Variants in ABR observed in about 807,000 individuals in gnomAD.
ABR encodes the protein ABR activator of RhoGEF and GTPase, also known as active breakpoint cluster region-related protein.
A neutral mutation model predicts 107.2 loss-of-function variants in ABR; 35 were observed. The ratio of observed to expected loss-of-function variants is 0.33; its 90% CI spans 0.25 to 0.43. The LOEUF is 0.43. Ranked by LOEUF, ABR falls within the 20% of genes least tolerant of loss-of-function variation. The pLI is 1.00. For synonymous variants in ABR, 498 were observed against 462.0 expected, an observed-to-expected ratio of 1.08 and a Z score of -1.00; for missense variants, 815 against 1,115.2, an observed-to-expected ratio of 0.73 and a Z score of 3.83.
rs4968074 is a variant in ABR, at chr17:1,013,226, C to A, written c.1792-62G>T. 5 of 1,521,782 alleles carry A rather than the reference C, an allele frequency of 3.3e-6. No individual in the cohort carries two copies. The East Asian group carries it at 1.1e-4, about 34-fold the overall frequency. 94.3% of individuals were successfully genotyped at this position (1,521,782 alleles called of 1,614,324 possible). On this transcript the variant is annotated intron_variant, in intron 16 of 22. Transcript: ENST00000302538. Reference sequence around the variant, plus strand: ...TCGGAGGCCAAGCCAGAGATCTCCCCGTGGGTCAGCACTGCTCAGAGCCAG... The same window carrying A: ...TCGGAGGCCAAGCCAGAGATCTCCCAGTGGGTCAGCACTGCTCAGAGCCAG...
intron 2 of ABR, among the ~76,000 whole-genome samples, chr17:1,111,216 C>A (rs2038657151): frequency 6.6e-6 from 1 of 152,166 alleles, no homozygotes; most frequent in Non-Finnish European, 1.5e-5. Flanking sequence ...CGTCCCCGTT[C>A]CCCACACCTC....
At chr17:1,161,585 C>CA (rs1175386028) in intron 1 of ABR, among the ~76,000 whole-genome samples, 1 of 141,650 alleles carries the variant, frequency 7.1e-6, no homozygotes, top group African/African-American at 2.7e-5. Context: ...GATGAGGTCT[C>CA]ACTCTGTAGC....
At chr17:1,155,402 C>G (rs942148328) in intron 1 of ABR, among the ~76,000 whole-genome samples, 6 of 152,248 alleles carry the variant, frequency 3.9e-5, no homozygotes, top group South Asian at 2.1e-4. Context: ...AAAAATAACT[C>G]TAAATGGATC....
chr17:1,070,101 T>C lies in ABR; in HGVS notation c.895-11A>G, dbSNP rs770628359. The C allele has an allele frequency of 1.5e-5, 24 of 1,612,906 alleles. No individual in the cohort carries two copies. In the East Asian group the frequency reaches 4.2e-4, roughly 29 times the overall value. ...CACCAGCTGTCGCGTCTGAGGGAGA[T>C]GGCAGACCCCCCAGCCTGCTCAGAG... On this transcript the variant is annotated splice_polypyrimidine_tract_variant and intron_variant, in intron 8 of 22. Coordinates refer to ENST00000302538, the MANE Select transcript of ABR (RefSeq NM_021962.5). This position sits in a 1 kb window ranked among gnomAD's most constrained non-coding sequence, Gnocchi z 4.2.
At chr17:1,109,799 C>G (rs572337508) in intron 2 of ABR, among the ~76,000 whole-genome samples, 165 of 152,214 alleles carry the variant, frequency 1.1e-3, no homozygotes, top group African/African-American at 3.6e-3. Context: ...CCACCACTGT[C>G]CTGCACAGGA....
chr17:1,032,783 G>A (rs1235213406), intron 16 of ABR, among the ~76,000 whole-genome samples: 3 of 152,214 alleles, frequency 2.0e-5, no homozygotes, highest in Admixed American at 1.3e-4. Context: ...GGTATTCAGA[G>A]AAAAGAGAAA....
chr17:1,066,784 C>T (rs957509659), intron 10 of ABR, among the ~76,000 whole-genome samples: 2 of 152,136 alleles, frequency 1.3e-5, no homozygotes, highest in African/African-American at 4.8e-5. Flanking sequence ...CTGCCTCGGC[C>T]TTCCAAAGTG....
At chr17:1,158,400 C>G (rs118053673) in intron 1 of ABR, among the ~76,000 whole-genome samples, 2 of 151,770 alleles carry the variant, frequency 1.3e-5, no homozygotes, top group East Asian at 3.9e-4. Flanking sequence ...CCAGCCGTCT[C>G]GTTAGTCTTT....
intron 1 of ABR, among the ~76,000 whole-genome samples, chr17:1,167,558 T>G (rs2041561584): frequency 3.3e-5 from 5 of 152,290 alleles, no homozygotes; most frequent in Admixed American, 3.3e-4. Context: ...ACCTGAGGTC[T>G]CATGCCCCAG....
chr17:1,188,496 A>G (rs142017406), upstream of ABR, among the ~76,000 whole-genome samples: 6 of 151,626 alleles, frequency 4.0e-5, no homozygotes, highest in East Asian at 9.7e-4. Context: ...CTTGCAGTGA[A>G]CCAAGATCGC....
At chr17:1,109,039 C>A in intron 2 of ABR, 1 of 1,597,690 alleles carries the variant, frequency 6.3e-7, no homozygotes, top group South Asian at 1.1e-5. Flanking sequence ...CCTTGTCCAG[C>A]AAGCCTATCG....
upstream of ABR, among the ~76,000 whole-genome samples, chr17:1,192,214 C>G (rs1317739839): frequency 6.6e-6 from 1 of 152,056 alleles, no homozygotes; most frequent in African/African-American, 2.4e-5. Flanking sequence ...TAGGCTCAAG[C>G]AATCCTCCTG....
chr17:1,169,837 C>A (rs748113671), intron 1 of ABR, among the ~76,000 whole-genome samples: 1 of 152,142 alleles, frequency 6.6e-6, no homozygotes, highest in Non-Finnish European at 1.5e-5. Flanking sequence ...GCAGGGCCAG[C>A]ACGCTTGGGC....
chr17:1,193,332 C>T (rs868246270), intron 1 of ABR, among the ~76,000 whole-genome samples: 87 of 150,990 alleles, frequency 5.8e-4, no homozygotes, highest in African/African-American at 2.1e-3. Flanking sequence ...GTTTGCTGAA[C>T]GCCCTTCGGC....
At chr17:1,031,891 C>T in intron 16 of ABR, 6 of 1,150,414 alleles carry the variant, frequency 5.2e-6, no homozygotes, top group Non-Finnish European at 6.5e-6. Context: ...TCCCTCCCTC[C>T]CTCCGTCCGC....
At chr17:1,185,237 C>G (rs945506629) in intron 1 of ABR, among the ~76,000 whole-genome samples, 2 of 152,186 alleles carry the variant, frequency 1.3e-5, no homozygotes, top group Admixed American at 6.5e-5. Context: ...TGGAGACAAG[C>G]TGAACAAAGT....
intron 17 of ABR, 73 bp from the exon 18 acceptor site, chr17:1,012,870 GTCC>G: frequency 1.5e-6 from 2 of 1,337,500 alleles, no homozygotes; most frequent in Non-Finnish European, 2.1e-6. Context: ...AAACACAGGG[GTCC>G]CCTCCCCAAG....
Position 1,011,092 on chromosome 17 carries a change from A to C in ABR, c.2102-229T>G. 1 of 566,516 alleles carries C rather than the reference A, an allele frequency of 1.8e-6. No homozygotes were observed. The highest frequency in any genetic ancestry group is 3.1e-6 in the Non-Finnish European group (1 of 317,584). The allele number at this position is 566,516 out of a possible 1,614,324, so 35.1% of individuals were successfully genotyped here. A position where few individuals can be genotyped will look rare whatever the true frequency, so the allele number is the denominator to read the frequency against. ...GCCATCTGCTGTGGCTGCTTGGGAA[A>C]GGGTGTTTGGGGAGTGAAATCCATC... On this transcript the variant is annotated intron_variant, in intron 19 of 22. Coordinates refer to ENST00000302538, the MANE Select transcript of ABR (RefSeq NM_021962.5). The surrounding 1 kb of genome is among the most constrained non-coding windows in gnomAD (Gnocchi z 4.8).
intron 16 of ABR, among the ~76,000 whole-genome samples, chr17:1,039,752 GGAAGA>G (rs2029995442): frequency 1.3e-5 from 2 of 152,168 alleles, no homozygotes; most frequent in Non-Finnish European, 2.9e-5. Context: ...GGCGGCAGAG[GGAAGA>G]GCCCCACGTG....
Sources: gnomAD v4.1 joint callset for allele counts (sites outside exome capture counted in the v4.1 genomes callset) on GRCh38, gnomAD v4.1.1 for gene constraint, Gnocchi (gnomAD v3.1) non-coding constraint, MANE v1.5 for transcripts, NCBI Gene and HGNC (gene_info 2026-07-23, HGNC 2026-07-21) for gene names.